The following CSNK2A2IP variants were observed in gnomAD, a reference collection of about 807,000 sequenced individuals.
CSNK2A2IP encodes casein kinase II subunit alpha'-interacting protein.
the CSNK2A2IP span, among the ~76,000 whole-genome samples, chr3:88,371,309 G>A: frequency 6.6e-6 from 1 of 151,592 alleles, no homozygotes; most frequent in African/African-American, 2.4e-5. Flanking sequence ...AAGATAGAAG[G>A]GAAATGAGTT....
At chr3:88,366,713 G>A in the CSNK2A2IP span, among the ~76,000 whole-genome samples, 3 of 152,062 alleles carry the variant, frequency 2.0e-5, no homozygotes, top group African/African-American at 7.2e-5. Context: ...ATATGTAATT[G>A]GAGTGAATGC....
chr3:88,346,556 T>A, the CSNK2A2IP span, among the ~76,000 whole-genome samples: 1 of 151,996 alleles, frequency 6.6e-6, no homozygotes, highest in East Asian at 1.9e-4. Flanking sequence ...TTACTCTTCC[T>A]GTGCACTAGA....
At chr3:88,467,144 T>A in the CSNK2A2IP span, 1 of 409,662 alleles carries the variant, frequency 2.4e-6, no homozygotes, top group Non-Finnish European at 4.2e-6. Flanking sequence ...ATTGACTGGC[T>A]GTTTTATGTT....
At chr3:88,415,006 T>C in the CSNK2A2IP span, among the ~76,000 whole-genome samples, 1 of 151,652 alleles carries the variant, frequency 6.6e-6, no homozygotes, top group Non-Finnish European at 1.5e-5. Flanking sequence ...AGTATGACAG[T>C]AATGTAAAAA....
chr3:88,383,643 T>TTTTC, the CSNK2A2IP span, among the ~76,000 whole-genome samples: 4 of 141,958 alleles, frequency 2.8e-5, no homozygotes, highest in African/African-American at 1.0e-4. Context: ...CACCTGTTTC[T>TTTTC]TTTCTTTCTT....
chr3:88,402,550 A>T, the CSNK2A2IP span, among the ~76,000 whole-genome samples: 2 of 152,106 alleles, frequency 1.3e-5, no homozygotes, highest in African/African-American at 4.8e-5. Flanking sequence ...TATATACAGC[A>T]GTCACAATGA....
At chr3:88,390,170 T>A in the CSNK2A2IP span, among the ~76,000 whole-genome samples, 2 of 152,072 alleles carry the variant, frequency 1.3e-5, no homozygotes, top group Admixed American at 1.3e-4. Flanking sequence ...TAAATTTGGA[T>A]AAGGATAAGC....
At chr3:88,424,410 T>C in the CSNK2A2IP span, among the ~76,000 whole-genome samples, 213 of 152,296 alleles carry the variant, frequency 1.4e-3, 2 homozygotes, top group African/African-American at 4.9e-3. Context: ...GTACAAACAA[T>C]ATTTTATTCT....
the CSNK2A2IP span, among the ~76,000 whole-genome samples, chr3:88,366,848 C>A: frequency 6.6e-6 from 1 of 152,144 alleles, no homozygotes; most frequent in Non-Finnish European, 1.5e-5. Context: ...CACAGTTCCA[C>A]ATGGCTGGGG....
At chr3:88,376,310 G>A in the CSNK2A2IP span, among the ~76,000 whole-genome samples, 1 of 151,482 alleles carries the variant, frequency 6.6e-6, no homozygotes, top group Non-Finnish European at 1.5e-5. Flanking sequence ...CGTATAGTCA[G>A]CTCTAGAATA....
chr3:88,376,699 T>C, the CSNK2A2IP span, among the ~76,000 whole-genome samples: 1 of 151,786 alleles, frequency 6.6e-6, no homozygotes, highest in South Asian at 2.1e-4. Context: ...GCTATCATAG[T>C]TTCCCTCATT....
chr3:88,389,064 C>T, the CSNK2A2IP span, among the ~76,000 whole-genome samples: 5 of 151,680 alleles, frequency 3.3e-5, no homozygotes, highest in Non-Finnish European at 4.4e-5. Context: ...TATTTTACTG[C>T]GAGGAGATAC....
the CSNK2A2IP span, among the ~76,000 whole-genome samples, chr3:88,434,274 G>C: frequency 5.3e-5 from 8 of 152,162 alleles, no homozygotes; most frequent in Middle Eastern, 3.4e-3. Context: ...AGAAAAAGTA[G>C]GGTATTATGG....
At chr3:88,455,957 A>G in the CSNK2A2IP span, among the ~76,000 whole-genome samples, 1 of 151,832 alleles carries the variant, frequency 6.6e-6, no homozygotes, top group Non-Finnish European at 1.5e-5. Context: ...TATTTATTTA[A>G]GAGTCCATTA....
At chr3:88,459,548 GT>G in the CSNK2A2IP span, among the ~76,000 whole-genome samples, 1 of 151,746 alleles carries the variant, frequency 6.6e-6, no homozygotes, top group Non-Finnish European at 1.5e-5. Flanking sequence ...TTCTTGTTTT[GT>G]TTTGTTTTCT....
chr3:88,398,377 G>T, the CSNK2A2IP span, among the ~76,000 whole-genome samples: 1 of 152,008 alleles, frequency 6.6e-6, no homozygotes, highest in Admixed American at 6.6e-5. Context: ...CTTTCTCTCT[G>T]CCCTTGAACT....
At chr3:88,343,945 A>G in the CSNK2A2IP span, among the ~76,000 whole-genome samples, 1 of 151,986 alleles carries the variant, frequency 6.6e-6, no homozygotes, top group Non-Finnish European at 1.5e-5. Flanking sequence ...AGTTTTACCT[A>G]CTATTAAGAT....
the CSNK2A2IP span, among the ~76,000 whole-genome samples, chr3:88,436,609 C>T: frequency 6.6e-6 from 1 of 152,002 alleles, no homozygotes; most frequent in Non-Finnish European, 1.5e-5. Flanking sequence ...GAAAGAAATA[C>T]TACATAAGTT....
At chr3:88,440,587 A>T in the CSNK2A2IP span, among the ~76,000 whole-genome samples, 2,074 of 152,304 alleles carry the variant, frequency 0.014, 39 homozygotes, top group African/African-American at 0.048. Flanking sequence ...AGAAAAAAGT[A>T]CTTTTTGGAT....
Sources: gnomAD v4.1 joint callset for allele counts (sites outside exome capture counted in the v4.1 genomes callset) on GRCh38, gnomAD v4.1.1 for gene constraint, MANE v1.5 for transcripts, NCBI Gene and HGNC (gene_info 2026-07-23, HGNC 2026-07-21) for gene names.